LAMA2: variants seen among roughly 807,000 people sequenced by gnomAD.
LAMA2 encodes the protein laminin subunit alpha 2.
Under a neutral mutation model 364.8 loss-of-function variants are expected in LAMA2, and 269 were observed. That is an observed-to-expected ratio of 0.74 (90% CI 0.67 to 0.82). The LOEUF is 0.82. Ranked by LOEUF, LAMA2 falls within the 40% of genes least tolerant of loss-of-function variation. LAMA2 has a pLI of 0.00. For synonymous variants in LAMA2, 1,379 were observed against 1,370.6 expected (o/e 1.01, Z -0.14); for missense variants, 3,807 against 3,873.2 (o/e 0.98, Z 0.45).
intron 9 of LAMA2, among the ~76,000 whole-genome samples, chr6:129,169,168 A>G (rs1001228908): frequency 3.0e-3 from 455 of 150,240 alleles, no homozygotes; most frequent in Non-Finnish European, 4.2e-3. Context: ...TCTCCTGCCT[A>G]ATTGCCCTGG....
intron 45 of LAMA2, among the ~76,000 whole-genome samples, chr6:129,447,951 C>T (rs1000730030): frequency 6.6e-6 from 1 of 152,130 alleles, no homozygotes; most frequent in African/African-American, 2.4e-5. Flanking sequence ...CGGTGAAATT[C>T]AGACATGTAA....
intron 24 of LAMA2, 128 bp from the exon 25 acceptor site, chr6:129,315,346 TTC>T: frequency 1.3e-6 from 1 of 778,944 alleles, no homozygotes; most frequent in Non-Finnish European, 2.1e-6. Flanking sequence ...TGCGTGTGAG[TTC>T]TGTTGCTTGT....
chr6:129,228,977 G>A (rs899659021), intron 12 of LAMA2, among the ~76,000 whole-genome samples: 1 of 152,096 alleles, frequency 6.6e-6, no homozygotes, highest in Non-Finnish European at 1.5e-5. Flanking sequence ...TTGAATTTGT[G>A]TATTCATTGT....
chr6:129,445,562 CA>C, intron 44 of LAMA2, 104 bp from the exon 45 acceptor site: 2 of 968,500 alleles, frequency 2.1e-6, no homozygotes, highest in African/African-American at 3.2e-5. Context: ...CATGCTTTGT[CA>C]CATTAATAAG....
At chr6:129,493,739 C>T (rs528667314) in intron 58 of LAMA2, among the ~76,000 whole-genome samples, 34 of 152,152 alleles carry the variant, frequency 2.2e-4, no homozygotes, top group African/African-American at 7.7e-4. Flanking sequence ...TACTTTTAGT[C>T]GAGTTAATAA....
intron 4 of LAMA2, among the ~76,000 whole-genome samples, chr6:129,125,292 A>C (rs181056515): frequency 3.3e-4 from 50 of 152,316 alleles, no homozygotes; most frequent in Non-Finnish European, 5.3e-4. Flanking sequence ...ATTTTGGTGA[A>C]GCTGAATAGA....
At chr6:129,011,213 C>T (rs557499273) in intron 1 of LAMA2, among the ~76,000 whole-genome samples, 2 of 152,332 alleles carry the variant, frequency 1.3e-5, no homozygotes, top group Non-Finnish European at 2.9e-5. Context: ...GTACCTCTCT[C>T]CTTCTCTTTT....
At chr6:129,105,563 A>G (rs1775768821) in intron 4 of LAMA2, among the ~76,000 whole-genome samples, 1 of 152,230 alleles carries the variant, frequency 6.6e-6, no homozygotes, top group Admixed American at 6.5e-5. Context: ...AGCTATTTCC[A>G]GCCTTTTAAA....
chr6:129,291,194 G>A (rs965558905), intron 19 of LAMA2, among the ~76,000 whole-genome samples: 1 of 152,148 alleles, frequency 6.6e-6, no homozygotes, highest in Non-Finnish European at 1.5e-5. Flanking sequence ...GTGTTACCCT[G>A]ATGTATCTGT....
At chr6:129,088,739 C>G (rs1262834797) in intron 3 of LAMA2, among the ~76,000 whole-genome samples, 1 of 151,662 alleles carries the variant, frequency 6.6e-6, no homozygotes, top group Non-Finnish European at 1.5e-5. Flanking sequence ...CAGAGGGGCT[C>G]CTCACTTCTC....
chr6:128,981,690 C>T (rs1782893193), intron 1 of LAMA2, among the ~76,000 whole-genome samples: 1 of 151,970 alleles, frequency 6.6e-6, no homozygotes, highest in African/African-American at 2.4e-5. Context: ...TTCAAGGCTG[C>T]AGTGAGCAGA....
At chr6:129,201,660 G>A (rs2115053102) in intron 12 of LAMA2, among the ~76,000 whole-genome samples, 1 of 152,144 alleles carries the variant, frequency 6.6e-6, no homozygotes, top group South Asian at 2.1e-4. Flanking sequence ...CCAGAACAAA[G>A]TCCAATACTA....
At chr6:129,445,455 G>A (rs1349814239) in intron 44 of LAMA2, among the ~76,000 whole-genome samples, 1 of 152,132 alleles carries the variant, frequency 6.6e-6, no homozygotes, top group East Asian at 1.9e-4. Context: ...AGAAAAAGTG[G>A]TGGCCCTCTG....
chr6:129,192,646 T>A (rs771273405), intron 11 of LAMA2, 34 bp from the exon 12 acceptor site: 6 of 1,600,324 alleles, frequency 3.7e-6, no homozygotes, highest in Admixed American at 1.7e-5. Context: ...AGATATTTTT[T>A]AAAAATTAAT....
At chr6:129,046,835 C>T (rs1391587370) in intron 1 of LAMA2, among the ~76,000 whole-genome samples, 1 of 152,120 alleles carries the variant, frequency 6.6e-6, no homozygotes, top group African/African-American at 2.4e-5. Flanking sequence ...TTCATTTTCC[C>T]TAACAGATAA....
intron 18 of LAMA2, 127 bp from the exon 19 acceptor site, chr6:129,287,720 C>A: frequency 1.2e-6 from 1 of 825,102 alleles, no homozygotes; most frequent in Non-Finnish European, 2.1e-6. Flanking sequence ...AATCACGTTG[C>A]GTTTGAGAAA....
intron 20 of LAMA2, among the ~76,000 whole-genome samples, chr6:129,296,848 T>G (rs776404344): frequency 6.6e-6 from 1 of 152,176 alleles, no homozygotes; most frequent in African/African-American, 2.4e-5. Context: ...ATTTTTCTGC[T>G]CGGAGTGATT....
At chr6:129,353,089 C>A in intron 31 of LAMA2, 75 bp from the exon 32 acceptor site, 2 of 1,202,970 alleles carry the variant, frequency 1.7e-6, no homozygotes, top group Non-Finnish European at 2.4e-6. Context: ...TGCATCAAAA[C>A]AAAAGACCAC....
Position 129,149,039 on chromosome 6 carries a change from G to T in LAMA2, c.970G>T (p.Gly324Ter). The T allele has an allele frequency of 6.2e-7, 1 of 1,613,434 alleles. No individual in the cohort carries two copies. The highest frequency in any genetic ancestry group is 2.2e-5 in the East Asian group (1 of 44,870). The part of the protein sequence containing the change: ...CGDSCDQCCP[G>*]FHQKPWRAGT... ...CGATAGCTGTGATCAGTGCTGTCCAGGATTCCATCAGAAACCCTGGAGAGC... is the reference window on the plus strand; with the variant it reads ...CGATAGCTGTGATCAGTGCTGTCCATGATTCCATCAGAAACCCTGGAGAGC... The change falls in exon 7 of 65, where the codon GGA (glycine) becomes TGA (stop). Residue 324 changes from glycine to a stop codon, truncating the protein, a stop_gained. Coordinates refer to ENST00000421865, the MANE Select transcript of LAMA2 (RefSeq NM_000426.4). LOFTEE classifies it high-confidence loss of function.
Sources: gnomAD v4.1 joint callset for allele counts (sites outside exome capture counted in the v4.1 genomes callset) on GRCh38, gnomAD v4.1.1 for gene constraint, MANE v1.5 for transcripts, NCBI Gene and HGNC (gene_info 2026-07-23, HGNC 2026-07-21) for gene names.